PLAG1: variants seen among roughly 807,000 people sequenced by gnomAD.
The protein encoded by PLAG1 is zinc finger protein PLAG1.
PLAG1 carries 7 observed loss-of-function variants against 35.5 expected under a neutral mutation model. The ratio of observed to expected loss-of-function variants is 0.20; its 90% CI spans 0.11 to 0.37. The LOEUF (loss-of-function observed/expected upper bound fraction) is 0.37, where lower values mean the gene tolerates loss of function less well. PLAG1 is among the 10% of genes least tolerant of loss of function. PLAG1 has a pLI of 1.00. For synonymous variants in PLAG1, 229 were observed against 225.4 expected (o/e 1.02, Z -0.14); for missense variants, 454 against 602.8 (o/e 0.75, Z 2.58).
At position 56,161,957 on chromosome 8, in the gene PLAG1, T is replaced by A. The variant is rs956680164; in HGVS notation, c.*4286A>T. On this transcript the variant is annotated 3_prime_UTR_variant, in exon 5 of 5. Transcript: ENST00000316981. ...CTAGATAACATCAAAAGACACTGCC[T>A]TCCATCCTCAGAGGGTTGACAACAT... is the stretch of plus-strand genomic sequence containing the variant. The A allele has an allele frequency of 3.5e-5, 8 of 227,546 alleles. No homozygotes were observed. Among genetic ancestry groups the A allele is most frequent in the Admixed American group, 2.3e-4 (4 of 17,608 alleles). The allele number at this position is 227,546 out of a possible 1,614,324, so 14.1% of individuals were successfully genotyped here. A position where few individuals can be genotyped will look rare whatever the true frequency, so the allele number is the denominator to read the frequency against.
At chr8:56,201,264 A>C (rs1324569343) in intron 1 of PLAG1, among the ~76,000 whole-genome samples, 2 of 152,232 alleles carry the variant, frequency 1.3e-5, no homozygotes, top group African/African-American at 4.8e-5. Flanking sequence ...CATCATGTAG[A>C]ATTACATTGT....
At chr8:56,191,313 A>C (rs1260320453) in intron 1 of PLAG1, among the ~76,000 whole-genome samples, 1 of 152,138 alleles carries the variant, frequency 6.6e-6, no homozygotes, top group Non-Finnish European at 1.5e-5. Flanking sequence ...AGCTAGAGAG[A>C]AGGAGGCCCA....
intron 1 of PLAG1, among the ~76,000 whole-genome samples, chr8:56,196,055 G>A (rs1812354254): frequency 6.6e-6 from 1 of 152,222 alleles, no homozygotes; most frequent in African/African-American, 2.4e-5. Context: ...GAGCACAGAA[G>A]TGCCATGGAA....
rs1811313090 is a variant in PLAG1, at chr8:56,165,060, T to C, written c.*1183A>G. The C allele has an allele frequency of 4.8e-6, 1 of 206,208 alleles. No individual in the cohort carries two copies. Among genetic ancestry groups the C allele is most frequent in the Non-Finnish European group, 9.9e-6 (1 of 100,948 alleles). 12.8% of individuals were successfully genotyped at this position (206,208 alleles called of 1,614,324 possible). A position where few individuals can be genotyped will look rare whatever the true frequency, so the allele number is the denominator to read the frequency against. On this transcript the variant is annotated 3_prime_UTR_variant, in exon 5 of 5. Transcript: ENST00000316981. ...GAAAGATAACATCGGAGTAGGACTG[T>C]TGTTTTTGTTTTCTGCTTTTGATTC... is the stretch of plus-strand genomic sequence containing the variant.
chr8:56,172,210 A>T (rs542302948), intron 2 of PLAG1, among the ~76,000 whole-genome samples: 1 of 152,232 alleles, frequency 6.6e-6, no homozygotes, highest in Admixed American at 6.5e-5. Flanking sequence ...ATACTTGAAG[A>T]ATTTGATGAT....
chr8:56,203,377 A>G (rs1386324720), intron 1 of PLAG1, among the ~76,000 whole-genome samples: 3 of 152,126 alleles, frequency 2.0e-5, no homozygotes, highest in African/African-American at 7.2e-5. Flanking sequence ...TGATTTGGGT[A>G]AGCAAATATG....
intron 1 of PLAG1, among the ~76,000 whole-genome samples, chr8:56,180,888 G>A (rs1313111368): frequency 6.6e-6 from 1 of 152,110 alleles, no homozygotes; most frequent in Non-Finnish European, 1.5e-5. Flanking sequence ...TCAAAAAGTG[G>A]GCGAAGGATA....
intron 1 of PLAG1, among the ~76,000 whole-genome samples, chr8:56,205,060 C>T (rs1585830622): frequency 6.6e-6 from 1 of 151,808 alleles, no homozygotes; most frequent in African/African-American, 2.4e-5. Flanking sequence ...AAATTAGGAG[C>T]TTTGTTGGTG....
At position 56,198,051 on chromosome 8, in the gene PLAG1, G is replaced by A. The variant is rs181379568; in HGVS notation, c.-322+13070C>T. ...ACTCATGTCGTCCCAGACACCCTCTGGAATGGATGGCCCGCATCACACAGC... is the reference window on the plus strand; with the variant it reads ...ACTCATGTCGTCCCAGACACCCTCTAGAATGGATGGCCCGCATCACACAGC... On this transcript the variant is annotated intron_variant, in intron 1 of 4. Transcript: ENST00000316981. Among the ~76,000 whole-genome samples, 34 of 152,300 alleles carry A rather than the reference G, an allele frequency of 2.2e-4. No individual in the cohort carries two copies. The South Asian group carries it at 3.5e-3, about 16-fold the overall frequency.
At position 56,163,905 on chromosome 8, in the gene PLAG1, T is replaced by C. The variant is rs539695406; in HGVS notation, c.*2338A>G. ...GCTATTTGTGATTTCTATTTAAAAA[T>C]AGGTTTTCTATTTGTGCTCTGTCAC... On this transcript the variant is annotated 3_prime_UTR_variant, in exon 5 of 5. Transcript: ENST00000316981. The C allele has an allele frequency of 9.3e-5, 17 of 183,546 alleles. No individual in the cohort carries two copies. Among genetic ancestry groups the C allele is most frequent in the Admixed American group, 5.0e-4 (8 of 15,972 alleles). The allele number at this position is 183,546 out of a possible 1,614,324, so 11.4% of individuals were successfully genotyped here.
intron 1 of PLAG1, among the ~76,000 whole-genome samples, chr8:56,184,553 A>G (rs1027086329): frequency 6.6e-6 from 1 of 152,218 alleles, no homozygotes; most frequent in Non-Finnish European, 1.5e-5. Flanking sequence ...AGCTTTGTTT[A>G]TAATAGTCAA....
chr8:56,210,302 T>C (rs1812835716), intron 1 of PLAG1, among the ~76,000 whole-genome samples: 1 of 152,026 alleles, frequency 6.6e-6, no homozygotes, highest in Non-Finnish European at 1.5e-5. Flanking sequence ...TTTTATTTGG[T>C]TATATGCCTG....
At chr8:56,187,000 G>A (rs1812039314) in intron 1 of PLAG1, among the ~76,000 whole-genome samples, 2 of 152,184 alleles carry the variant, frequency 1.3e-5, no homozygotes, top group East Asian at 1.9e-4. Flanking sequence ...ACAGGCATAA[G>A]CCACTGTGCC....
intron 1 of PLAG1, among the ~76,000 whole-genome samples, chr8:56,204,415 T>G (rs1293268364): frequency 6.6e-6 from 1 of 151,888 alleles, no homozygotes; most frequent in Non-Finnish European, 1.5e-5. Context: ...CCAGGTTTAA[T>G]TTCTTAAAAT....
intron 1 of PLAG1, among the ~76,000 whole-genome samples, chr8:56,196,390 G>A (rs1002704715): frequency 6.6e-6 from 1 of 152,180 alleles, no homozygotes; most frequent in Admixed American, 6.5e-5. Flanking sequence ...CCGGATATAT[G>A]AGTGTGTGAT....
chr8:56,199,131 G>C (rs1044521489), intron 1 of PLAG1, among the ~76,000 whole-genome samples: 4 of 152,208 alleles, frequency 2.6e-5, no homozygotes, highest in Non-Finnish European at 4.4e-5. Context: ...AAGTGGACTG[G>C]GGAATGCTGC....
chr8:56,186,478 C>A (rs993830934), intron 1 of PLAG1, among the ~76,000 whole-genome samples: 1 of 149,830 alleles, frequency 6.7e-6, no homozygotes, highest in African/African-American at 2.5e-5. Flanking sequence ...CTCAAGTGAT[C>A]CTCCTACCTC....
At chr8:56,190,863 G>GCC (rs1812161706) in intron 1 of PLAG1, among the ~76,000 whole-genome samples, 1 of 152,126 alleles carries the variant, frequency 6.6e-6, no homozygotes, top group African/African-American at 2.4e-5. Flanking sequence ...TCATAGAGTA[G>GCC]GTGACACATG....
At chr8:56,190,833 A>G (rs1812160465) in intron 1 of PLAG1, among the ~76,000 whole-genome samples, 1 of 152,092 alleles carries the variant, frequency 6.6e-6, no homozygotes, top group African/African-American at 2.4e-5. Flanking sequence ...CAGGGGGAGG[A>G]CACAGTAATT....
Sources: gnomAD v4.1 joint callset for allele counts (sites outside exome capture counted in the v4.1 genomes callset) on GRCh38, gnomAD v4.1.1 for gene constraint, MANE v1.5 for transcripts, NCBI Gene and HGNC (gene_info 2026-07-23, HGNC 2026-07-21) for gene names.